The following VAT1L variants were observed in gnomAD, a reference collection of about 807,000 sequenced individuals.
VAT1L encodes the protein vesicle amine transport 1 like, also known as putative NADPH-dependent quinone oxidoreductase VAT1L.
Under a neutral mutation model 44.1 loss-of-function variants are expected in VAT1L, and 34 were observed. The ratio of observed to expected loss-of-function variants is 0.77; its 90% confidence interval spans 0.59 to 1.03. VAT1L has a LOEUF of 1.03. Among genes scored for constraint, VAT1L ranks in the 50% least tolerant of loss-of-function variants. The probability of loss-of-function intolerance (pLI) is 0.00; values close to 1 mark genes in which losing one functional copy is unlikely to be tolerated. For synonymous variants in VAT1L, 253 were observed against 202.2 expected (o/e 1.25, Z -2.13); for missense variants, 615 against 538.8 (o/e 1.14, Z -1.40).
At chr16:77,812,127 G>C (rs1054066296) in intron 1 of VAT1L, among the ~76,000 whole-genome samples, 1 of 150,204 alleles carries the variant, frequency 6.7e-6, no homozygotes, top group Non-Finnish European at 1.5e-5. Context: ...TGCCACCCAG[G>C]CTGGAGTGCA....
chr16:77,921,845 G>A (rs1296248409), intron 7 of VAT1L, among the ~76,000 whole-genome samples: 2 of 151,384 alleles, frequency 1.3e-5, no homozygotes, highest in Admixed American at 1.3e-4. Flanking sequence ...CCAGGCTCAA[G>A]CAATCCTCCC....
intron 7 of VAT1L, among the ~76,000 whole-genome samples, chr16:77,912,115 T>G (rs185074086): frequency 3.9e-5 from 6 of 152,284 alleles, no homozygotes; most frequent in South Asian, 2.1e-4. Context: ...ATTTACAGAA[T>G]GCCTACATTT....
In VAT1L at chr16:77,794,436, T is replaced by C. The variant is rs189455856; in HGVS notation, c.233+5521T>C. On this transcript the variant is annotated intron_variant, in intron 1 of 8. Transcript: ENST00000302536. ...GAACACCCATGCTGATTAAACACAA[T>C]CACAATCACCACTCCTTGAACCACT... Among the ~76,000 whole-genome samples the C allele has an allele frequency of 9.7e-4, 147 of 152,254 alleles. 2 individuals are homozygous for C. Among genetic ancestry groups the C allele is most frequent in the African/African-American group, 3.4e-3 (143 of 41,556 alleles).
intron 7 of VAT1L, among the ~76,000 whole-genome samples, chr16:77,948,451 C>G (rs1303146186): frequency 6.6e-6 from 1 of 152,182 alleles, no homozygotes; most frequent in East Asian, 1.9e-4. Flanking sequence ...TACGGTGTCA[C>G]AGTTGAGCAT....
At chr16:77,960,056 G>C (rs2018145017) in intron 7 of VAT1L, among the ~76,000 whole-genome samples, 1 of 151,966 alleles carries the variant, frequency 6.6e-6, no homozygotes, top group South Asian at 2.1e-4. Flanking sequence ...CTTCTTCAGA[G>C]AAGCACTCCC....
intron 1 of VAT1L, chr16:77,801,841 A>T (rs1279587983): frequency 6.6e-6 from 1 of 152,156 alleles, no homozygotes; most frequent in Non-Finnish European, 1.5e-5. Flanking sequence ...GATTGGTCTG[A>T]ATGATTTTCT....
chr16:77,901,617 A>G (rs895824263), intron 7 of VAT1L, among the ~76,000 whole-genome samples: 4 of 152,172 alleles, frequency 2.6e-5, no homozygotes, highest in Non-Finnish European at 5.9e-5. Context: ...CTCTTTAGGC[A>G]CAATGTGGTT....
rs370692790 is a variant in VAT1L, at chr16:77,813,166, A to C, written c.234-3755A>C. ...TGACATGCCCCTGTTTTTTTATTTT[A>C]TTTTATTTTTTCTGTTGTGGTAGAA... On this transcript the variant is annotated intron_variant, in intron 1 of 8. Transcript: ENST00000302536. Among the ~76,000 whole-genome samples the C allele has an allele frequency of 3.6e-4, 55 of 151,914 alleles. 1 individual carries two copies. Among genetic ancestry groups the C allele is most frequent in the Non-Finnish European group, 6.8e-4 (46 of 67,922 alleles).
At chr16:77,974,870 C>T (rs769955207) in intron 8 of VAT1L, among the ~76,000 whole-genome samples, 1 of 152,002 alleles carries the variant, frequency 6.6e-6, no homozygotes. Flanking sequence ...TACCGGGCCC[C>T]CTTGAAGGCT....
intron 7 of VAT1L, among the ~76,000 whole-genome samples, chr16:77,934,538 G>T (rs1041788938): frequency 4.6e-5 from 7 of 152,228 alleles, no homozygotes; most frequent in Non-Finnish European, 7.4e-5. Flanking sequence ...TTAGGCCAAT[G>T]AAAACCATTT....
chr16:77,923,436 C>G (rs937751763), intron 7 of VAT1L, among the ~76,000 whole-genome samples: 1 of 152,118 alleles, frequency 6.6e-6, no homozygotes, highest in Non-Finnish European at 1.5e-5. Context: ...GGAGACAGAG[C>G]AAGACTCTGT....
At chr16:77,845,212 GC>G (rs1456319054) in intron 3 of VAT1L, among the ~76,000 whole-genome samples, 2 of 152,086 alleles carry the variant, frequency 1.3e-5, no homozygotes, top group Non-Finnish European at 2.9e-5. Context: ...ACAGGCAGAT[GC>G]CCACAGCTCT....
intron 4 of VAT1L, among the ~76,000 whole-genome samples, chr16:77,872,456 G>A (rs2017042538): frequency 6.6e-6 from 1 of 152,080 alleles, no homozygotes; most frequent in African/African-American, 2.4e-5. Context: ...AGAAGTGAGG[G>A]AGACAGGAAC....
chr16:77,948,819 C>A (rs2018004469), intron 7 of VAT1L, among the ~76,000 whole-genome samples: 1 of 152,138 alleles, frequency 6.6e-6, no homozygotes, highest in Non-Finnish European at 1.5e-5. Flanking sequence ...TAATGTTCAT[C>A]TTCTACATAT....
intron 7 of VAT1L, among the ~76,000 whole-genome samples, chr16:77,947,161 T>C (rs2017979087): frequency 6.6e-6 from 1 of 152,144 alleles, no homozygotes; most frequent in Non-Finnish European, 1.5e-5. Context: ...AATTAAAAAT[T>C]AGATTTTAAA....
intron 1 of VAT1L, among the ~76,000 whole-genome samples, chr16:77,812,521 G>C (rs2966056): frequency 0.65 from 99,178 of 152,086 alleles, 32,528 homozygotes; most frequent in South Asian, 0.72. Flanking sequence ...TGGTGTTGTG[G>C]TGCCTTTAAC....
At chr16:77,894,792 G>C (rs1393696091) in intron 7 of VAT1L, among the ~76,000 whole-genome samples, 11 of 152,082 alleles carry the variant, frequency 7.2e-5, no homozygotes, top group Admixed American at 7.2e-4. Context: ...TTACACATGA[G>C]AAAGGGAGAG....
At chr16:77,934,464 C>T in intron 7 of VAT1L, among the ~76,000 whole-genome samples, 1 of 150,460 alleles carries the variant, frequency 6.6e-6, no homozygotes. Flanking sequence ...AACAAACAAA[C>T]AAAAAAAAAT....
rs534007581 is a variant in VAT1L at position 77,814,543 on chromosome 16, C to T, written c.234-2378C>T. The stretch of plus-strand genomic sequence containing the variant: ...CCCAGTTGAGCAGCGTAATAAGTGT[C>T]GAAGATGAGGCCTTCTCCAGGGGGC... On this transcript the variant is annotated intron_variant, in intron 1 of 8. Transcript: ENST00000302536. Among the ~76,000 whole-genome samples the T allele has an allele frequency of 3.7e-4, 57 of 152,226 alleles. No individual in the cohort carries two copies. In the South Asian group the frequency reaches 6.0e-3, roughly 16 times the overall value.
Sources: allele counts gnomAD v4.1 joint callset (sites outside exome capture counted in the v4.1 genomes callset), GRCh38; gene constraint gnomAD v4.1.1; transcripts MANE v1.5; gene names NCBI Gene and HGNC (gene_info 2026-07-23, HGNC 2026-07-21).